Variants in SOX6 observed in about 807,000 individuals in gnomAD.
SOX6 encodes the protein SRY-box transcription factor 6.
In SOX6, 11 loss-of-function variants were observed where a neutral mutation model predicts 97.8. The ratio of observed to expected loss-of-function variants is 0.11; its 90% CI spans 0.07 to 0.19. The LOEUF (loss-of-function observed/expected upper bound fraction) is 0.19. Ranked by LOEUF, SOX6 falls within the 10% of genes least tolerant of loss-of-function variation. SOX6 has a pLI of 1.00. For missense variants in SOX6, 810 were observed against 1,039.5 expected, an observed-to-expected ratio of 0.78 and a Z score of 3.04; for synonymous variants, 360 against 371.4, an observed-to-expected ratio of 0.97 and a Z score of 0.35.
chr11:16,246,115 C>T (rs1853328280), intron 3 of SOX6, among the ~76,000 whole-genome samples: 1 of 151,154 alleles, frequency 6.6e-6, no homozygotes, highest in Non-Finnish European at 1.5e-5. Context: ...TTATATGCAT[C>T]TTTAACTTAC....
chr11:16,439,963 C>CTATCTA lies in SOX6; in HGVS notation c.-5+36346_-5+36351dup, dbSNP rs200339990. 9.3e-3 allele frequency among the ~76,000 whole-genome samples: 1,414 copies of CTATCTA among 152,244 alleles called. 23 individuals carry two copies. The highest frequency in any genetic ancestry group is 0.032 in the African/African-American group (1,342 of 41,530). ...GATTCTCCACTTTCATACATTTAAA[C>CTATCTA]TATCTATTGCACACTTTAAGTTCCA... is the stretch of plus-strand genomic sequence containing the variant. On this transcript the variant is annotated intron_variant, in intron 1 of 15. Coordinates refer to the SOX6 transcript ENST00000396356.
intron 3 of SOX6, among the ~76,000 whole-genome samples, chr11:16,253,402 C>A (rs1005408914): frequency 2.6e-5 from 4 of 151,628 alleles, no homozygotes. Flanking sequence ...TGTAGCAGTC[C>A]TATGAGGAAT....
chr11:16,106,615 C>T (rs1271019488), intron 7 of SOX6, among the ~76,000 whole-genome samples: 1 of 151,846 alleles, frequency 6.6e-6, no homozygotes, highest in Non-Finnish European at 1.5e-5. Flanking sequence ...AAGACATAAA[C>T]TTAGAAGCTA....
chr11:16,014,432 G>C (rs574046020), intron 13 of SOX6, among the ~76,000 whole-genome samples: 2 of 151,934 alleles, frequency 1.3e-5, no homozygotes, highest in African/African-American at 4.8e-5. Context: ...TCCCCAAAAT[G>C]GTTTGATTGT....
intron 4 of SOX6, among the ~76,000 whole-genome samples, chr11:16,581,692 G>A (rs1848033542): frequency 6.6e-6 from 1 of 152,056 alleles, no homozygotes; most frequent in Non-Finnish European, 1.5e-5. Context: ...GGCCGGGTGT[G>A]GTGGCTCATG....
chr11:16,486,410 T>C (rs1052491546), intron 4 of SOX6, among the ~76,000 whole-genome samples: 1 of 152,218 alleles, frequency 6.6e-6, no homozygotes, highest in African/African-American at 2.4e-5. Context: ...GATCTTTTTT[T>C]TCTTATAGCC....
chr11:16,533,572 T>C (rs1339031947), intron 4 of SOX6, among the ~76,000 whole-genome samples: 2 of 152,022 alleles, frequency 1.3e-5, no homozygotes. Flanking sequence ...CTTAAAGTGA[T>C]AAAAGTTTTA....
intron 4 of SOX6, among the ~76,000 whole-genome samples, chr11:16,582,151 G>T (rs997409799): frequency 6.6e-6 from 1 of 151,890 alleles, no homozygotes; most frequent in South Asian, 2.1e-4. Flanking sequence ...AAATACCAGC[G>T]ACTACCTGGG....
intron 3 of SOX6, chr11:16,312,487 A>G (rs1452816307): frequency 6.6e-6 from 1 of 152,220 alleles, no homozygotes; most frequent in Non-Finnish European, 1.5e-5. Context: ...CTATTATTAA[A>G]GAGAGATTAA....
At chr11:16,046,777 G>T in intron 11 of SOX6, 76 bp from the exon 12 acceptor site, 1 of 1,407,900 alleles carries the variant, frequency 7.1e-7, no homozygotes, top group Non-Finnish European at 9.9e-7. Context: ...CCCCTCCCCT[G>T]TAGAAAGCTG....
chr11:15,996,657 T>A (rs1320739479), intron 13 of SOX6, among the ~76,000 whole-genome samples: 1 of 151,616 alleles, frequency 6.6e-6, no homozygotes, highest in South Asian at 2.1e-4. Flanking sequence ...CAAAGAAGTA[T>A]AGCTAAAAAT....
intron 1 of SOX6, among the ~76,000 whole-genome samples, chr11:16,420,588 A>G (rs895823743): frequency 4.6e-5 from 7 of 152,132 alleles, no homozygotes; most frequent in Admixed American, 1.3e-4. Flanking sequence ...AGAGATAAAA[A>G]GTAGGATTGT....
chr11:16,648,030 G>A (rs530794608), intron 3 of SOX6, among the ~76,000 whole-genome samples: 26 of 152,238 alleles, frequency 1.7e-4, no homozygotes, highest in Admixed American at 4.6e-4. Flanking sequence ...TCTGAGGGAC[G>A]AGTGGGAGTG....
At chr11:16,382,978 G>A (rs1380505490) in intron 1 of SOX6, among the ~76,000 whole-genome samples, 3 of 151,788 alleles carry the variant, frequency 2.0e-5, no homozygotes. Context: ...TGGATAATTT[G>A]AAGTATACAT....
chr11:16,229,678 T>C (rs1431530094), intron 4 of SOX6, among the ~76,000 whole-genome samples: 1 of 151,950 alleles, frequency 6.6e-6, no homozygotes, highest in East Asian at 1.9e-4. Flanking sequence ...TACAATTCTG[T>C]AAGAGTTTTC....
intron 4 of SOX6, among the ~76,000 whole-genome samples, chr11:16,230,770 A>G (rs1852823959): frequency 6.6e-6 from 1 of 151,792 alleles, no homozygotes; most frequent in Admixed American, 6.6e-5. Flanking sequence ...TTATGAGTGT[A>G]GTCTTGCAAT....
chr11:16,402,662 AT>A, intron 1 of SOX6: 1 of 1,610,614 alleles, frequency 6.2e-7, no homozygotes, highest in African/African-American at 1.3e-5. Flanking sequence ...CTCTTACCCC[AT>A]TTTTCTTCTT....
intron 4 of SOX6, among the ~76,000 whole-genome samples, chr11:16,554,753 GAGA>G (rs1847732267): frequency 6.6e-6 from 1 of 151,864 alleles, no homozygotes; most frequent in African/African-American, 2.4e-5. Flanking sequence ...TAAATCTTTC[GAGA>G]AGGAGGTCAG....
chr11:16,503,797 C>T (rs991013830), intron 4 of SOX6, among the ~76,000 whole-genome samples: 1 of 152,154 alleles, frequency 6.6e-6, no homozygotes, highest in African/African-American at 2.4e-5. Context: ...GTAATCCCAG[C>T]ACTTTGGGAG....
Sources: allele counts gnomAD v4.1 joint callset (sites outside exome capture counted in the v4.1 genomes callset), GRCh38; gene constraint gnomAD v4.1.1; transcripts MANE v1.5; gene names NCBI Gene and HGNC (gene_info 2026-07-23, HGNC 2026-07-21).